CMYA5: variants seen among roughly 807,000 people sequenced by gnomAD.
CMYA5 encodes cardiomyopathy associated 5, also known as cardiomyopathy-associated protein 5.
In CMYA5, 246 loss-of-function variants were observed where a neutral mutation model predicts 318.9. The observed-to-expected ratio is 0.77, with a 90% CI of 0.70 to 0.86. The LOEUF is 0.86. Among genes scored for constraint, CMYA5 ranks in the 40% least tolerant of loss-of-function variants. The probability of loss-of-function intolerance (pLI) is 0.00; values close to 1 mark genes in which losing one functional copy is unlikely to be tolerated. For synonymous variants in CMYA5, 1,641 were observed against 1,729.5 expected (o/e 0.95, Z 1.27); for missense variants, 4,589 against 4,678.2 (o/e 0.98, Z 0.56).
Position 79,790,274 on chromosome 5 carries a change from A to ATT in CMYA5, c.11690-686_11690-685dup, listed in dbSNP as rs35889022. On this transcript the variant is annotated intron_variant, in intron 10 of 12. Coordinates refer to ENST00000446378, the MANE Select transcript of CMYA5 (RefSeq NM_153610.5). The stretch of plus-strand genomic sequence containing the variant: ...TTTAGGTTATATCGGTGCATCCCCC[A>ATT]TTTTTTTTTTTCTCGAATGGAGTCT... Among the ~76,000 whole-genome samples the ATT allele has an allele frequency of 3.1e-3, 454 of 146,368 alleles. 2 individuals are homozygous for ATT. The highest frequency in any genetic ancestry group is 0.014 in the South Asian group (66 of 4,582).
intron 1 of CMYA5, among the ~76,000 whole-genome samples, chr5:79,711,095 T>C (rs1580751767): frequency 6.6e-6 from 1 of 152,222 alleles, no homozygotes; most frequent in Non-Finnish European, 1.5e-5. Flanking sequence ...TATTTCCTAA[T>C]GTATCAGTAA....
In CMYA5 at chr5:79,733,826, G is replaced by C; in HGVS notation, c.5061G>C (p.Glu1687Asp). The C allele has an allele frequency of 6.2e-7, 1 of 1,613,384 alleles. No individual in the cohort carries two copies. The highest frequency in any genetic ancestry group is 1.3e-5 in the African/African-American group (1 of 75,024). Residue 1687 changes from glutamate (E) to aspartate (D), a missense_variant, in exon 2 of 13, where the codon GAG becomes GAC. Physicochemically the swap from Glu to Asp is conservative, Grantham distance 45. Around this residue, in one of 3 missense-constraint regions of CMYA5, gnomAD observed 2,132 missense variants for 2,131.3 expected, o/e 1.00. Coordinates refer to ENST00000446378, the MANE Select transcript of CMYA5 (RefSeq NM_153610.5). ...RSREGKEENRELCASSTMPAI... is the reference protein window; with the variant it reads ...RSREGKEENRDLCASSTMPAI... The stretch of plus-strand genomic sequence containing the variant: ...GAGAAGGAAAAGAAGAAAATAGAGA[G>C]CTTTGTGCATCTTCTACGATGCCTG...
intron 10 of CMYA5, 65 bp downstream of exon 10, chr5:79,789,169 A>G: frequency 6.3e-7 from 1 of 1,586,094 alleles, no homozygotes; most frequent in Non-Finnish European, 8.6e-7. Context: ...CCCCTCAGAG[A>G]AGATGTCCTA....
At position 79,733,717 on chromosome 5, in the gene CMYA5, C is replaced by G; in HGVS notation, c.4952C>G (p.Ser1651Cys). 1 of 1,613,754 alleles carries G rather than the reference C, an allele frequency of 6.2e-7. No homozygotes were observed. The highest frequency in any genetic ancestry group is 8.5e-7 in the Non-Finnish European group (1 of 1,179,816). ...AGTGATTTAGGTAGACAAAGTGGAT[C>G]CATAGGTACAAAACAAGCAAAGTCT... is the stretch of plus-strand genomic sequence containing the variant. ...FSSDLGRQSGSIGTKQAKSPI... is the reference protein window; with the variant it reads ...FSSDLGRQSGCIGTKQAKSPI... The change falls in exon 2 of 13, where the codon TCC becomes TGC. Residue 1651 changes from serine to cysteine, a missense_variant. This residue lies in a region of CMYA5 where 2,132 missense variants were observed against 2,131.3 expected (regional missense o/e 1.00). Transcript: ENST00000446378.
At chr5:79,774,860 A>T (rs1225656951) in intron 9 of CMYA5, among the ~76,000 whole-genome samples, 1 of 152,208 alleles carries the variant, frequency 6.6e-6, no homozygotes. Flanking sequence ...TTCCTAATGA[A>T]CTTAGTGCAG....
intron 9 of CMYA5, among the ~76,000 whole-genome samples, chr5:79,786,396 A>G (rs1242845475): frequency 6.6e-6 from 1 of 152,214 alleles, no homozygotes; most frequent in African/African-American, 2.4e-5. Context: ...TTCAAATTTT[A>G]TTATTGGCTG....
chr5:79,753,299 C>A (rs1828467137), intron 6 of CMYA5, among the ~76,000 whole-genome samples: 1 of 152,160 alleles, frequency 6.6e-6, no homozygotes, highest in South Asian at 2.1e-4. Context: ...GAGCCTCCCA[C>A]TCAGCTGTCA....
In CMYA5 at chr5:79,738,199, A is replaced by G. The variant is rs922158477; in HGVS notation, c.9434A>G (p.Lys3145Arg). The part of the protein sequence containing the change: ...SADRNVSKDT[K>R]RDVDSKSPGM... ...GACAGGAATGTTTCAAAGGACACAA[A>G]GAGAGATGTGGACTCAAAGTCACCG... Residue 3145 changes from lysine (K) to arginine (R), a missense_variant, in exon 2 of 13, where the codon AAG (lysine) becomes AGG (arginine). Lys to Arg is a conservative substitution (Grantham distance 26). Coordinates refer to ENST00000446378, the MANE Select transcript of CMYA5 (RefSeq NM_153610.5). The G allele has an allele frequency of 5.0e-6, 8 of 1,613,810 alleles. No individual in the cohort carries two copies. The highest frequency in any genetic ancestry group is 6.8e-6 in the Non-Finnish European group (8 of 1,179,880).
intron 9 of CMYA5, among the ~76,000 whole-genome samples, chr5:79,788,293 A>G (rs886119651): frequency 1.1e-4 from 17 of 151,614 alleles, no homozygotes; most frequent in Non-Finnish European, 2.2e-4. Context: ...GCACAAAACT[A>G]TTCTAGCTTG....
At chr5:79,690,779 G>A (rs1397636103) in intron 1 of CMYA5, among the ~76,000 whole-genome samples, 1 of 152,124 alleles carries the variant, frequency 6.6e-6, no homozygotes, top group East Asian at 1.9e-4. Context: ...TGAGTTTTGG[G>A]TTTTTTCCTG....
In CMYA5 at chr5:79,734,876, G is replaced by T; in HGVS notation, c.6111G>T (p.Gln2037His). 6.2e-7 allele frequency: 1 copy of T among 1,613,794 alleles called. No homozygotes were observed. Among genetic ancestry groups the T allele is most frequent in the Non-Finnish European group, 8.5e-7 (1 of 1,179,796 alleles). The change falls in exon 2 of 13, where the codon CAG (glutamine) becomes CAT (histidine). Residue 2037 changes from glutamine (Q) to histidine (H), a missense_variant. Transcript: ENST00000446378. ...ELSWPSKEDS[Q>H]EKIKLPPERF... ...CCTGGCCTTCCAAAGAAGATAGCCAGGAAAAAATTAAACTACCTCCTGAAA... is the reference window on the plus strand; with the variant it reads ...CCTGGCCTTCCAAAGAAGATAGCCATGAAAAAATTAAACTACCTCCTGAAA...
intron 2 of CMYA5, among the ~76,000 whole-genome samples, chr5:79,742,969 G>C (rs1580781020): frequency 6.6e-6 from 1 of 152,206 alleles, no homozygotes; most frequent in East Asian, 1.9e-4. Context: ...CAACATTCTA[G>C]AGCCAAGGAA....
chr5:79,799,722 G>T lies in CMYA5; in HGVS notation c.*106G>T. 7.1e-7 allele frequency: 1 copy of T among 1,412,290 alleles called. No homozygotes were observed. Among genetic ancestry groups the T allele is most frequent in the Non-Finnish European group, 9.4e-7 (1 of 1,060,854 alleles). 87.5% of individuals were successfully genotyped at this position (1,412,290 alleles called of 1,614,324 possible). ...TATTCAAAAAGTCTCCCGCGCATTT[G>T]CACTAATGATGGCTGCATGCATAGC... On this transcript the variant is annotated 3_prime_UTR_variant, in exon 13 of 13. Transcript: ENST00000446378.
chr5:79,731,275 G>A lies in CMYA5; in HGVS notation c.2510G>A (p.Gly837Asp). Residue 837 changes from glycine (G) to aspartate (D), a missense_variant, in exon 2 of 13, where the codon GGC becomes GAC. Around this residue, in one of 3 missense-constraint regions of CMYA5, gnomAD observed 2,132 missense variants for 2,131.3 expected, o/e 1.00. Transcript: ENST00000446378. Reference protein sequence around the residue: ...ISEHTVLSVDGKEVIGPSSPD... With the variant: ...ISEHTVLSVDDKEVIGPSSPD... ...GAGCACACAGTTCTGTCAGTAGACG[G>A]CAAGGAGGTCATTGGACCATCTTCC... 1.2e-6 allele frequency: 2 copies of A among 1,613,932 alleles called. No homozygotes were observed. The highest frequency in any genetic ancestry group is 1.7e-6 in the Non-Finnish European group (2 of 1,179,888).
chr5:79,792,637 G>A (rs760703601), intron 11 of CMYA5, among the ~76,000 whole-genome samples: 1 of 152,172 alleles, frequency 6.6e-6, no homozygotes, highest in Non-Finnish European at 1.5e-5. Context: ...AAAGGGGAGA[G>A]GGAGAGAGTG....
intron 1 of CMYA5, among the ~76,000 whole-genome samples, chr5:79,717,691 G>A (rs1006178863): frequency 6.6e-6 from 1 of 152,116 alleles, no homozygotes; most frequent in Non-Finnish European, 1.5e-5. Context: ...GGCTTCTAAA[G>A]TACCTGATCA....
At position 79,739,063 on chromosome 5, in the gene CMYA5, C is replaced by T. The variant is rs752943299; in HGVS notation, c.10298C>T (p.Pro3433Leu). ...FTESLHNEVV[P>L]QDILSEELSS... is the part of the protein sequence containing the mutation. ...GAATCCCTGCATAATGAAGTGGTTCCTCAAGACATATTATCAGAAGAACTG... is the reference window on the plus strand; with the variant it reads ...GAATCCCTGCATAATGAAGTGGTTCTTCAAGACATATTATCAGAAGAACTG... The change falls in exon 2 of 13, where the codon CCT (proline) becomes CTT (leucine). Residue 3433 changes from proline to leucine, a missense_variant. Around this residue, in one of 3 missense-constraint regions of CMYA5, gnomAD observed 2,431 missense variants for 2,495.1 expected, o/e 0.97. Transcript: ENST00000446378. 2 of 1,613,856 alleles carry T rather than the reference C, an allele frequency of 1.2e-6. No homozygotes were observed. Among genetic ancestry groups the T allele is most frequent in the Non-Finnish European group, 8.5e-7 (1 of 1,179,852 alleles).
At chr5:79,775,528 C>T (rs527345528) in intron 9 of CMYA5, among the ~76,000 whole-genome samples, 19 of 151,950 alleles carry the variant, frequency 1.3e-4, no homozygotes, top group African/African-American at 4.6e-4. Context: ...AAAGAGAAAA[C>T]AGGAGAGAGG....
At position 79,735,834 on chromosome 5, in the gene CMYA5, T is replaced by C; in HGVS notation, c.7069T>C (p.Trp2357Arg). 1.3e-6 allele frequency: 2 copies of C among 1,553,196 alleles called. No individual in the cohort carries two copies. The highest frequency in any genetic ancestry group is 1.7e-6 in the Non-Finnish European group (2 of 1,158,250). ...GCCAGCAATCGCTCCTCCATCTAAATGGAATATTTCTATTTTTAAGGAAGA... is the reference window on the plus strand; with the variant it reads ...GCCAGCAATCGCTCCTCCATCTAAACGGAATATTTCTATTTTTAAGGAAGA... ...QKPAIAPPSK[W>R]NISIFKEEPR... is the part of the protein sequence containing the mutation. Residue 2357 changes from tryptophan (W) to arginine (R), a missense_variant, in exon 2 of 13, where the codon TGG (tryptophan) becomes CGG (arginine). Physicochemically the swap from Trp to Arg is moderately radical, Grantham distance 101 (BLOSUM62 -3). This residue lies in a region of CMYA5 where 2,431 missense variants were observed against 2,495.1 expected (regional missense o/e 0.97). Transcript: ENST00000446378.
Sources: allele counts gnomAD v4.1 joint callset (sites outside exome capture counted in the v4.1 genomes callset), GRCh38; gene constraint gnomAD v4.1.1; regional missense constraint gnomAD v4.1.1; transcripts MANE v1.5; gene names NCBI Gene and HGNC (gene_info 2026-07-23, HGNC 2026-07-21).